The following CTSZ variants were observed in gnomAD, a reference collection of about 807,000 sequenced individuals.
CTSZ encodes the protein cathepsin Z.
Under a neutral mutation model 32.4 loss-of-function variants are expected in CTSZ, and 39 were observed. The ratio of observed to expected loss-of-function variants is 1.20; its 90% CI spans 0.93 to 1.57. CTSZ has a LOEUF of 1.57. Ranked by LOEUF, CTSZ falls within the 40% of genes most tolerant of loss-of-function variation. The pLI is 0.00. For missense variants in CTSZ, 397 were observed against 419.6 expected, an observed-to-expected ratio of 0.95 and a Z score of 0.47; for synonymous variants, 168 against 170.1, an observed-to-expected ratio of 0.99 and a Z score of 0.10.
intron 3 of CTSZ, among the ~76,000 whole-genome samples, chr20:59,000,828 A>G (rs912057573): frequency 7.5e-6 from 1 of 133,312 alleles, no homozygotes; most frequent in African/African-American, 2.8e-5. Context: ...CAGGGCCGGT[A>G]TTTTTTTTTT....
At chr20:58,995,898 C>T (rs571003122) in intron 5 of CTSZ, 139 bp from the exon 6 acceptor site, 3 of 658,514 alleles carry the variant, frequency 4.6e-6, no homozygotes, top group African/African-American at 1.8e-5. Flanking sequence ...ACTCAGCTGC[C>T]CCTCAGCTTT....
intron 5 of CTSZ, 156 bp downstream of exon 5, chr20:58,996,483 C>G: frequency 1.3e-6 from 1 of 768,774 alleles, no homozygotes; most frequent in South Asian, 1.6e-5. Flanking sequence ...GGGTCTGGCC[C>G]CAAAAGCCAC....
chr20:59,006,094 C>T (rs1472100907), intron 2 of CTSZ: 2 of 544,370 alleles, frequency 3.7e-6, no homozygotes, highest in Non-Finnish European at 6.4e-6. Flanking sequence ...CCACTTGTCA[C>T]TGGGATTCAG....
rs1229320844 is a variant in CTSZ at position 59,002,670 on chromosome 20, G to C, written c.308-1026C>G. Among the ~76,000 whole-genome samples, 2 of 150,854 alleles carry C rather than the reference G, an allele frequency of 1.3e-5. No individual in the cohort carries two copies. The highest frequency in any genetic ancestry group is 1.3e-4 in the Admixed American group (2 of 15,238). On this transcript the variant is annotated intron_variant, in intron 2 of 5. Transcript: ENST00000217131. This position sits in a 1 kb window ranked among gnomAD's most constrained non-coding sequence, Gnocchi z 4.1. The stretch of plus-strand genomic sequence containing the variant: ...CTTCTGGAACTGTCCCTGCTCTGGT[G>C]ACTTCACGCATCACTGAAAAGTCCC...
At position 59,004,210 on chromosome 20, in the gene CTSZ, G is replaced by C. The variant is rs981572831; in HGVS notation, c.307+2112C>G. Among the ~76,000 whole-genome samples, 8 of 152,306 alleles carry C rather than the reference G, an allele frequency of 5.3e-5. No homozygotes were observed. The highest frequency in any genetic ancestry group is 4.6e-4 in the Admixed American group (7 of 15,304). On this transcript the variant is annotated intron_variant, in intron 2 of 5. Coordinates refer to ENST00000217131, the MANE Select transcript of CTSZ (RefSeq NM_001336.4). This position sits in a 1 kb window ranked among gnomAD's most constrained non-coding sequence, Gnocchi z 5.6. ...AGCCATCCAGACCTGAAGGTCTGAG[G>C]CTGGAGGTGTCAGGTGACCGGGACA...
At chr20:58,997,043 G>C (rs1172205402) in intron 4 of CTSZ, among the ~76,000 whole-genome samples, 1 of 151,932 alleles carries the variant, frequency 6.6e-6, no homozygotes, top group South Asian at 2.1e-4. Flanking sequence ...AGTAGTCCCA[G>C]CTACTCGGTG....
At chr20:59,001,717 T>C in intron 2 of CTSZ, 73 bp from the exon 3 acceptor site, 2 of 1,504,222 alleles carry the variant, frequency 1.3e-6, no homozygotes, top group South Asian at 2.4e-5. Flanking sequence ...CCTGGACGCC[T>C]CAGGCGGGAT....
In CTSZ at chr20:59,004,280, G is replaced by T. The variant is rs1252015300; in HGVS notation, c.307+2042C>A. On this transcript the variant is annotated intron_variant, in intron 2 of 5. Coordinates refer to ENST00000217131, the MANE Select transcript of CTSZ (RefSeq NM_001336.4). The surrounding 1 kb of genome is among the most constrained non-coding windows in gnomAD (Gnocchi z 5.6). ...GATGTCAAGCTGAGTTCAGGTGAAG[G>T]GTTGGTCCTGGGGAAGCTGACACTC... is the stretch of plus-strand genomic sequence containing the variant. Among the ~76,000 whole-genome samples, 1 of 152,136 alleles carries T rather than the reference G, an allele frequency of 6.6e-6. No individual in the cohort carries two copies. The highest frequency in any genetic ancestry group is 1.9e-4 in the East Asian group (1 of 5,194).
At chr20:58,997,541 CCTCACCCGCGGGACCTTT>C (rs1280610708) in intron 4 of CTSZ, 44 bp downstream of exon 4, 72 of 1,455,164 alleles carry the variant, frequency 4.9e-5, no homozygotes, top group East Asian at 7.5e-5. Flanking sequence ...CGGGACCTTT[CCTCACCCGCGGGACCTTT>C]CCTCACCCGC....
chr20:58,998,135 G>T (rs971649052), intron 3 of CTSZ, among the ~76,000 whole-genome samples: 1 of 152,042 alleles, frequency 6.6e-6, no homozygotes, highest in Admixed American at 6.6e-5. Flanking sequence ...GAATAAATAG[G>T]CCAATACTTT....
chr20:59,005,211 C>T (rs1482083957), intron 2 of CTSZ, among the ~76,000 whole-genome samples: 1 of 152,114 alleles, frequency 6.6e-6, no homozygotes, highest in African/African-American at 2.4e-5. Context: ...GTGTTCCAGC[C>T]CCCGGGGGAG....
intron 2 of CTSZ, 26 bp from the exon 3 acceptor site, chr20:59,001,670 A>G: frequency 6.2e-7 from 1 of 1,604,580 alleles, no homozygotes; most frequent in African/African-American, 1.3e-5. Context: ...CCTGCCAGTC[A>G]GCACTCACCC....
intron 3 of CTSZ, 90 bp downstream of exon 3, chr20:59,001,375 C>T (rs1013316627): frequency 2.4e-5 from 34 of 1,407,220 alleles, no homozygotes; most frequent in African/African-American, 1.0e-4. Flanking sequence ...GTGAGGAGCA[C>T]GGGGTCAGGC....
chr20:58,995,713 C>G lies in CTSZ; in HGVS notation c.848G>C (p.Gly283Ala), dbSNP rs2091855270. The G allele has an allele frequency of 6.2e-7, 1 of 1,614,166 alleles. No individual in the cohort carries two copies. Among genetic ancestry groups the G allele is most frequent in the Non-Finnish European group, 8.5e-7 (1 of 1,180,028 alleles). Residue 283 changes from glycine (G) to alanine (A), a missense_variant, in exon 6 of 6, where the codon GGG becomes GCG. Physicochemically the swap from Gly to Ala is moderately conservative, Grantham distance 60. Coordinates refer to ENST00000217131, the MANE Select transcript of CTSZ (RefSeq NM_001336.4). ...GGCAAGGTTGTATCTGGCGCCCTTCCCATCCTTATAGGTGCTGGTCACGAT... is the reference window on the plus strand; with the variant it reads ...GGCAAGGTTGTATCTGGCGCCCTTCGCATCCTTATAGGTGCTGGTCACGAT... ...LRIVTSTYKD[G>A]KGARYNLAIE...
chr20:59,006,487 T>A lies in CTSZ; in HGVS notation c.144-2A>T, dbSNP rs2091909190. On this transcript the variant is annotated splice_acceptor_variant, in intron 1 of 5. Coordinates refer to ENST00000217131, the MANE Select transcript of CTSZ (RefSeq NM_001336.4). LOFTEE classifies it high-confidence loss of function. ...TACTCATGAGGCCGGGGGTATGTGC[T>A]GAGAAGAGATCATCCCCACCCAGAT... 1.6e-5 allele frequency: 26 copies of A among 1,610,012 alleles called. No individual in the cohort carries two copies. The highest frequency in any genetic ancestry group is 2.1e-5 in the Non-Finnish European group (25 of 1,178,830).
chr20:58,995,423 T>G lies in CTSZ; in HGVS notation c.*226A>C. On this transcript the variant is annotated 3_prime_UTR_variant, in exon 6 of 6. Transcript: ENST00000217131. ...TGTCGCAGGTCACTTCTTCACCAGGTGGCTGACTGCATCATTGTGAGGCAG... is the reference window on the plus strand; with the variant it reads ...TGTCGCAGGTCACTTCTTCACCAGGGGGCTGACTGCATCATTGTGAGGCAG... 1 of 462,716 alleles carries G rather than the reference T, an allele frequency of 2.2e-6. No homozygotes were observed. 28.7% of individuals were successfully genotyped at this position (462,716 alleles called of 1,614,324 possible).
At chr20:58,996,610 A>C in intron 5 of CTSZ, 29 bp downstream of exon 5, 1 of 1,612,572 alleles carries the variant, frequency 6.2e-7, no homozygotes, top group Non-Finnish European at 8.5e-7. Flanking sequence ...TTTTCTAGGA[A>C]TGACCTTAAG....
chr20:59,001,737 G>A, intron 2 of CTSZ, 93 bp from the exon 3 acceptor site: 2 of 1,304,298 alleles, frequency 1.5e-6, no homozygotes, highest in Non-Finnish European at 2.1e-6. Context: ...TGCAGGCGCT[G>A]CCCAGCCTGG....
chr20:59,001,642 G>A lies in CTSZ; in HGVS notation c.310C>T (p.Arg104Trp), dbSNP rs199710644. 140 of 1,612,754 alleles carry A rather than the reference G, an allele frequency of 8.7e-5. No homozygotes were observed. The highest frequency in any genetic ancestry group is 1.2e-4 in the Non-Finnish European group (136 of 1,179,238). Residue 104 changes from arginine (R) to tryptophan (W), a missense_variant and splice_region_variant, in exon 3 of 6, where the codon CGG (arginine) becomes TGG (tryptophan). Coordinates refer to ENST00000217131, the MANE Select transcript of CTSZ (RefSeq NM_001336.4). ...GCTCCCTTCCTCTTGATGTTGATCC[G>A]ATCTGCAACAGTCAGCACCTGCCAG... is the stretch of plus-strand genomic sequence containing the variant. Reference protein sequence around the residue: ...AHASTSAMADRINIKRKGAWP... With the variant: ...AHASTSAMADWINIKRKGAWP...
Sources: allele counts gnomAD v4.1 joint callset (sites outside exome capture counted in the v4.1 genomes callset), GRCh38; gene constraint gnomAD v4.1.1; non-coding constraint Gnocchi (gnomAD v3.1); transcripts MANE v1.5; gene names NCBI Gene and HGNC (gene_info 2026-07-23, HGNC 2026-07-21).